The following MDFIC2 variants were observed in gnomAD, a reference collection of about 807,000 sequenced individuals.
MDFIC2 encodes the protein myoD family inhibitor domain-containing protein 2.
rs1043226542 is a variant in MDFIC2, at chr3:70,238,111, C to T, written c.89-31321G>A. Among the ~76,000 whole-genome samples, 79 of 149,314 alleles carry T rather than the reference C, an allele frequency of 5.3e-4. 1 individual carries two copies. The highest frequency in any genetic ancestry group is 1.9e-4 in the Non-Finnish European group (13 of 67,602). On this transcript the variant is annotated intron_variant, in intron 2 of 3. Coordinates refer to ENST00000567252, the MANE Select transcript of MDFIC2 (RefSeq NM_001364677.1). Reference sequence around the variant, plus strand: ...GGCTTGCCCTGTCCTGCTCCTCACACAGACATATGATAGCCAGAGTCCTCT... The same window carrying T: ...GGCTTGCCCTGTCCTGCTCCTCACATAGACATATGATAGCCAGAGTCCTCT...
intron 2 of MDFIC2, among the ~76,000 whole-genome samples, chr3:70,261,629 C>T (rs577359240): frequency 6.6e-6 from 1 of 152,266 alleles, no homozygotes; most frequent in South Asian, 2.1e-4. Context: ...TCACTTTCAA[C>T]AATTTCTACC....
chr3:70,293,045 C>CAAAA (rs55990203), intron 2 of MDFIC2, among the ~76,000 whole-genome samples: 10 of 74,772 alleles, frequency 1.3e-4, no homozygotes, highest in Non-Finnish European at 1.8e-4. Flanking sequence ...TGGTTTGAAG[C>CAAAA]AAAAAAAAAA....
chr3:70,218,090 A>G (rs1018537301), intron 2 of MDFIC2, among the ~76,000 whole-genome samples: 1 of 152,128 alleles, frequency 6.6e-6, no homozygotes, highest in Non-Finnish European at 1.5e-5. Flanking sequence ...GGAATCTATC[A>G]AAAGGCCTCA....
intron 2 of MDFIC2, among the ~76,000 whole-genome samples, chr3:70,232,500 A>T (rs1441317524): frequency 6.6e-5 from 10 of 151,860 alleles, no homozygotes; most frequent in Middle Eastern, 3.4e-3. Flanking sequence ...CCCGGGTTCA[A>T]GTGATTCTCC....
chr3:70,290,561 G>A (rs1193763241), intron 2 of MDFIC2, among the ~76,000 whole-genome samples: 1 of 152,232 alleles, frequency 6.6e-6, no homozygotes, highest in Non-Finnish European at 1.5e-5. Flanking sequence ...AGGCAGGCAG[G>A]CCTCCTTGAG....
At chr3:70,295,183 G>T (rs1419065449) in intron 2 of MDFIC2, among the ~76,000 whole-genome samples, 13 of 152,200 alleles carry the variant, frequency 8.5e-5, no homozygotes, top group Admixed American at 8.5e-4. Flanking sequence ...TGAGATGTGT[G>T]GATTCCTGAA....
intron 2 of MDFIC2, among the ~76,000 whole-genome samples, chr3:70,275,497 G>A (rs1702015407): frequency 6.6e-6 from 1 of 152,068 alleles, no homozygotes; most frequent in Non-Finnish European, 1.5e-5. Flanking sequence ...AGCCTAGGTG[G>A]CAAAGCAAGA....
chr3:70,212,010 C>T (rs2106729562), intron 2 of MDFIC2, among the ~76,000 whole-genome samples: 1 of 152,030 alleles, frequency 6.6e-6, no homozygotes, highest in African/African-American at 2.4e-5. Context: ...TGTATTTTTT[C>T]CTTAAGACTT....
chr3:70,202,003 A>G (rs1345117380), intron 3 of MDFIC2, among the ~76,000 whole-genome samples: 1 of 152,156 alleles, frequency 6.6e-6, no homozygotes, highest in Admixed American at 6.6e-5. Flanking sequence ...TCTCTCTCTG[A>G]ATGTATATCC....
Position 70,194,533 on chromosome 3 carries a change from A to G in MDFIC2, c.*2393T>C, listed in dbSNP as rs1268401124. ...TGGTTATAAAGAAAAGAAATTTCACACTTTGTATAACCGACCCTTTCTGTT... is the reference window on the plus strand; with the variant it reads ...TGGTTATAAAGAAAAGAAATTTCACGCTTTGTATAACCGACCCTTTCTGTT... On this transcript the variant is annotated 3_prime_UTR_variant, in exon 4 of 4. Transcript: ENST00000567252. Among the ~76,000 whole-genome samples, 1 of 152,216 alleles carries G rather than the reference A, an allele frequency of 6.6e-6. No individual in the cohort carries two copies. Among genetic ancestry groups the G allele is most frequent in the Non-Finnish European group, 1.5e-5 (1 of 68,036 alleles).
intron 2 of MDFIC2, among the ~76,000 whole-genome samples, chr3:70,218,397 G>C (rs770861979): frequency 3.9e-5 from 6 of 152,066 alleles, no homozygotes; most frequent in African/African-American, 1.4e-4. Context: ...TACTAGTAAA[G>C]GTTTATAAGC....
At chr3:70,284,692 C>A (rs1371261646) in intron 2 of MDFIC2, among the ~76,000 whole-genome samples, 3 of 152,108 alleles carry the variant, frequency 2.0e-5, no homozygotes, top group Non-Finnish European at 4.4e-5. Context: ...GGGAGCTAAA[C>A]AATGAGAACA....
intron 2 of MDFIC2, chr3:70,291,220 C>G (rs953473373): frequency 2.6e-5 from 4 of 152,148 alleles, no homozygotes; most frequent in Admixed American, 2.6e-4. Context: ...ATCAGCTCCT[C>G]CACCTACCAG....
At chr3:70,204,212 A>G (rs1701268789) in intron 3 of MDFIC2, among the ~76,000 whole-genome samples, 1 of 152,212 alleles carries the variant, frequency 6.6e-6, no homozygotes, top group African/African-American at 2.4e-5. Flanking sequence ...GCCACAAACT[A>G]CATGAAAGTG....
At chr3:70,200,541 T>C (rs114837689) in intron 3 of MDFIC2, among the ~76,000 whole-genome samples, 4,189 of 152,270 alleles carry the variant, frequency 0.028, 109 homozygotes, top group Non-Finnish European at 0.044. Context: ...ATTCAAACAT[T>C]TAAGTTTTTA....
chr3:70,275,131 A>G (rs1384053374), intron 2 of MDFIC2, among the ~76,000 whole-genome samples: 1 of 152,190 alleles, frequency 6.6e-6, no homozygotes, highest in Non-Finnish European at 1.5e-5. Context: ...CTGACTTTAT[A>G]GTTATTTAAA....
intron 2 of MDFIC2, among the ~76,000 whole-genome samples, chr3:70,298,155 G>C (rs750573728): frequency 6.6e-6 from 1 of 152,012 alleles, no homozygotes; most frequent in Non-Finnish European, 1.5e-5. Context: ...GTTAGATTTG[G>C]CATCTAAATA....
chr3:70,237,817 G>A (rs1226024260), intron 2 of MDFIC2, among the ~76,000 whole-genome samples: 1 of 152,072 alleles, frequency 6.6e-6, no homozygotes, highest in Non-Finnish European at 1.5e-5. Flanking sequence ...ATGGACAAAG[G>A]CAGAGTATTT....
intron 2 of MDFIC2, among the ~76,000 whole-genome samples, chr3:70,259,340 A>G (rs986108014): frequency 1.3e-5 from 2 of 152,146 alleles, no homozygotes; most frequent in African/African-American, 4.8e-5. Flanking sequence ...AGCTCTTTAG[A>G]GGATCTAAAG....
Sources: gnomAD v4.1 joint callset for allele counts (sites outside exome capture counted in the v4.1 genomes callset) on GRCh38, gnomAD v4.1.1 for gene constraint, MANE v1.5 for transcripts, NCBI Gene and HGNC (gene_info 2026-07-23, HGNC 2026-07-21) for gene names.